Variants in SAMD12 observed in about 807,000 individuals in gnomAD.
SAMD12 encodes the protein sterile alpha motif domain containing 12.
SAMD12 carries 9 observed loss-of-function variants against 15.0 expected under a neutral mutation model. The ratio of observed to expected loss-of-function variants is 0.60; its 90% CI spans 0.36 to 1.05. SAMD12 has a LOEUF of 1.05. Among genes scored for constraint, SAMD12 ranks in the 50% least tolerant of loss-of-function variants. The probability of loss-of-function intolerance (pLI) is 0.01; values close to 1 mark genes in which losing one functional copy is unlikely to be tolerated. For synonymous variants in SAMD12, 86 were observed against 90.1 expected, an observed-to-expected ratio of 0.96 and a Z score of 0.25; for missense variants, 230 against 234.2, an observed-to-expected ratio of 0.98 and a Z score of 0.12.
chr8:118,268,813 C>CA (rs1281021214), intron 4 of SAMD12, among the ~76,000 whole-genome samples: 5 of 151,660 alleles, frequency 3.3e-5, no homozygotes, highest in Admixed American at 6.6e-5. Flanking sequence ...GACTCTGTCT[C>CA]AAAAAAAAGA....
the SAMD12 span, among the ~76,000 whole-genome samples, chr8:118,167,420 C>T: frequency 6.6e-6 from 1 of 152,104 alleles, no homozygotes; most frequent in East Asian, 1.9e-4. Flanking sequence ...ATGGAACCTT[C>T]ACAGAACTTC....
At chr8:118,329,349 GTTATTAAAATTATTA>G in intron 4 of SAMD12, among the ~76,000 whole-genome samples, 1 of 152,132 alleles carries the variant, frequency 6.6e-6, no homozygotes. Flanking sequence ...ATATAAAGGA[GTTATTAAAATTATTA>G]TGATTAAAAT....
chr8:118,440,073 A>C, intron 2 of SAMD12, 112 bp from the exon 3 acceptor site: 1 of 1,043,522 alleles, frequency 9.6e-7, no homozygotes, highest in Non-Finnish European at 1.4e-6. Flanking sequence ...CTGAAGATAA[A>C]TATCTAGTTC....
intron 4 of SAMD12, among the ~76,000 whole-genome samples, chr8:118,257,971 G>A (rs1264204562): frequency 6.6e-6 from 1 of 152,104 alleles, no homozygotes; most frequent in African/African-American, 2.4e-5. Context: ...ATTCTGGCAT[G>A]AGGGAATATT....
At chr8:118,165,631 T>TATAC in the SAMD12 span, among the ~76,000 whole-genome samples, 14 of 138,956 alleles carry the variant, frequency 1.0e-4, no homozygotes, top group African/African-American at 4.1e-4. Context: ...TATATATATA[T>TATAC]ATATACATAT....
At chr8:118,550,637 C>A (rs1826298357) in intron 2 of SAMD12, among the ~76,000 whole-genome samples, 2 of 151,978 alleles carry the variant, frequency 1.3e-5, no homozygotes, top group African/African-American at 4.8e-5. Flanking sequence ...GCAAAATAAC[C>A]AGCTAACATC....
chr8:118,315,783 C>T (rs1050396034), intron 4 of SAMD12, among the ~76,000 whole-genome samples: 2 of 152,062 alleles, frequency 1.3e-5, no homozygotes, highest in African/African-American at 4.8e-5. Flanking sequence ...AAAACTGCTG[C>T]AGGCTGAAGA....
chr8:118,140,144 TGAA>T, the SAMD12 span, among the ~76,000 whole-genome samples: 1 of 152,152 alleles, frequency 6.6e-6, no homozygotes, highest in Non-Finnish European at 1.5e-5. Flanking sequence ...ATGGCACAAT[TGAA>T]GAAGAAGGAT....
chr8:118,584,946 CACACACACAA>C (rs1586836908), intron 1 of SAMD12, among the ~76,000 whole-genome samples: 2 of 151,556 alleles, frequency 1.3e-5, no homozygotes, highest in African/African-American at 4.8e-5. Flanking sequence ...CACACACACA[CACACACACAA>C]ACACACACAC....
At chr8:118,460,791 A>C (rs1823394611) in intron 2 of SAMD12, among the ~76,000 whole-genome samples, 1 of 152,166 alleles carries the variant, frequency 6.6e-6, no homozygotes, top group Non-Finnish European at 1.5e-5. Flanking sequence ...GCCCACATGC[A>C]CACACACAGG....
At chr8:118,379,731 C>T (rs1819574065) in intron 3 of SAMD12, 31 bp from the exon 4 acceptor site, 1 of 1,600,170 alleles carries the variant, frequency 6.2e-7, no homozygotes, top group Non-Finnish European at 8.5e-7. Context: ...AAAGGAAAAG[C>T]AAATGAACTA....
intron 4 of SAMD12, chr8:118,284,156 G>A (rs1052959882): frequency 4.0e-5 from 16 of 397,964 alleles, no homozygotes; most frequent in African/African-American, 3.4e-4. Context: ...GATCCATTAT[G>A]ATAACCCCGA....
intron 1 of SAMD12, among the ~76,000 whole-genome samples, chr8:118,581,457 G>A (rs1202926364): frequency 6.6e-6 from 1 of 152,138 alleles, no homozygotes. Flanking sequence ...TAATAAAGGA[G>A]GCAAACAAAA....
At chr8:118,497,836 G>T (rs1413316651) in intron 2 of SAMD12, among the ~76,000 whole-genome samples, 1 of 151,652 alleles carries the variant, frequency 6.6e-6, no homozygotes, top group Non-Finnish European at 1.5e-5. Context: ...CAGGGATTTA[G>T]AAGTTTTCAG....
chr8:118,133,897 T>A, the SAMD12 span, among the ~76,000 whole-genome samples: 10 of 152,232 alleles, frequency 6.6e-5, no homozygotes, highest in Admixed American at 6.5e-4. Flanking sequence ...TCCAAATTAA[T>A]GTAATTAATA....
At chr8:118,292,349 GACACAC>G (rs3052706) in intron 4 of SAMD12, among the ~76,000 whole-genome samples, 2,383 of 137,714 alleles carry the variant, frequency 0.017, 78 homozygotes, top group African/African-American at 0.062. Flanking sequence ...CAAACACACA[GACACAC>G]ACACACACAC....
At chr8:118,621,301 T>TA (rs2131335338) in intron 1 of SAMD12, 1 of 184,278 alleles carries the variant, frequency 5.4e-6, no homozygotes, top group Non-Finnish European at 1.1e-5. Flanking sequence ...ACCCTCTGGG[T>TA]ACATCTGCGG....
Position 118,255,450 on chromosome 8 carries a change from C to T in SAMD12, c.434-57718G>A, listed in dbSNP as rs537176443. ...ACATGTGCCACGCTGGTGTGCTGCACCCATTGACTCGTCATTTAGCATTAG... is the reference window on the plus strand; with the variant it reads ...ACATGTGCCACGCTGGTGTGCTGCATCCATTGACTCGTCATTTAGCATTAG... On this transcript the variant is annotated intron_variant, in intron 4 of 4. Coordinates refer to the SAMD12 transcript ENST00000409003. Among the ~76,000 whole-genome samples the T allele has an allele frequency of 9.2e-4, 139 of 151,454 alleles. 1 individual carries two copies. Among genetic ancestry groups the T allele is most frequent in the African/African-American group, 1.4e-3 (56 of 41,324 alleles).
chr8:118,608,361 A>G (rs1264426266), intron 1 of SAMD12, among the ~76,000 whole-genome samples: 1 of 151,646 alleles, frequency 6.6e-6, no homozygotes, highest in African/African-American at 2.4e-5. Flanking sequence ...TGTCTCCCTC[A>G]GTTTCCTAGT....
Sources: gnomAD v4.1 joint callset for allele counts (sites outside exome capture counted in the v4.1 genomes callset) on GRCh38, gnomAD v4.1.1 for gene constraint, MANE v1.5 for transcripts, NCBI Gene and HGNC (gene_info 2026-07-23, HGNC 2026-07-21) for gene names.